CCSER1: variants seen among roughly 807,000 people sequenced by gnomAD.
The protein encoded by CCSER1 is serine-rich coiled-coil domain-containing protein 1.
Under a neutral mutation model 82.0 loss-of-function variants are expected in CCSER1, and 41 were observed. That is an observed-to-expected ratio of 0.50 (90% confidence interval 0.39 to 0.65). CCSER1 has a LOEUF of 0.65. Ranked by LOEUF, CCSER1 falls within the 30% of genes least tolerant of loss-of-function variation. The probability of loss-of-function intolerance (pLI) is 0.00; values close to 1 mark genes in which losing one functional copy is unlikely to be tolerated. For synonymous variants in CCSER1, 414 were observed against 383.9 expected (o/e 1.08, Z -0.92); for missense variants, 1,119 against 1,064.2 (o/e 1.05, Z -0.72).
chr4:90,762,807 G>C (rs911209090), intron 7 of CCSER1, among the ~76,000 whole-genome samples: 11 of 152,188 alleles, frequency 7.2e-5, no homozygotes, highest in African/African-American at 2.4e-4. Context: ...ACTTGAAAAA[G>C]GGATTCTTTG....
chr4:90,623,598 G>A (rs1722754815), intron 5 of CCSER1, among the ~76,000 whole-genome samples: 1 of 152,154 alleles, frequency 6.6e-6, no homozygotes, highest in South Asian at 2.1e-4. Context: ...CTTGTCACAT[G>A]TAGATTTTTA....
At position 91,558,223 on chromosome 4, in the gene CCSER1, T is replaced by C. The variant is rs191511350; in HGVS notation, c.2218-40349T>C. On this transcript the variant is annotated intron_variant, in intron 10 of 10. Coordinates refer to ENST00000509176, the MANE Select transcript of CCSER1 (RefSeq NM_001145065.2). The stretch of plus-strand genomic sequence containing the variant: ...GGATATATTCTCTTCCAAAACTTCA[T>C]TGATCCAAAAAACAAAATATGTGTA... Among the ~76,000 whole-genome samples the C allele has an allele frequency of 3.0e-3, 450 of 151,594 alleles. 2 individuals carry two copies. Among genetic ancestry groups the C allele is most frequent in the Non-Finnish European group, 4.7e-3 (315 of 67,654 alleles).
intron 9 of CCSER1, among the ~76,000 whole-genome samples, chr4:90,983,986 TATTGAAGTAAAC>T (rs1406446602): frequency 6.6e-6 from 1 of 151,782 alleles, no homozygotes; most frequent in African/African-American, 2.4e-5. Context: ...TCAGCAACAG[TATTGAAGTAAAC>T]ATTATGATAC....
At chr4:91,133,962 G>A (rs1728231302) in intron 10 of CCSER1, among the ~76,000 whole-genome samples, 1 of 152,164 alleles carries the variant, frequency 6.6e-6, no homozygotes, top group African/African-American at 2.4e-5. Flanking sequence ...AGCCAGGCAA[G>A]GTGGCGCATG....
intron 7 of CCSER1, among the ~76,000 whole-genome samples, chr4:90,728,621 G>A (rs1408493771): frequency 6.6e-6 from 1 of 152,104 alleles, no homozygotes; most frequent in Non-Finnish European, 1.5e-5. Flanking sequence ...GTTCGCTTGA[G>A]CTCAGGAATT....
chr4:90,791,556 G>C (rs935617260), intron 7 of CCSER1, among the ~76,000 whole-genome samples: 1 of 151,556 alleles, frequency 6.6e-6, no homozygotes, highest in Non-Finnish European at 1.5e-5. Flanking sequence ...TTTAAATAAA[G>C]ATACACACTT....
intron 8 of CCSER1, among the ~76,000 whole-genome samples, chr4:90,835,296 A>G (rs1418763962): frequency 6.6e-6 from 1 of 152,208 alleles, no homozygotes; most frequent in African/African-American, 2.4e-5. Flanking sequence ...ACGCCACTGC[A>G]CTCTAGCCCG....
chr4:91,419,881 C>A (rs974682597), intron 10 of CCSER1, among the ~76,000 whole-genome samples: 1 of 151,862 alleles, frequency 6.6e-6, no homozygotes, highest in East Asian at 1.9e-4. Flanking sequence ...GAATAGTGAG[C>A]CTGTAAGTAA....
At chr4:91,509,174 G>A (rs1339886829) in intron 10 of CCSER1, among the ~76,000 whole-genome samples, 2 of 150,896 alleles carry the variant, frequency 1.3e-5, no homozygotes, top group Non-Finnish European at 3.0e-5. Flanking sequence ...GCTTCTTTAT[G>A]TGAATTGTTA....
intron 6 of CCSER1, among the ~76,000 whole-genome samples, chr4:90,643,458 A>T (rs879302148): frequency 6.6e-6 from 1 of 150,432 alleles, no homozygotes; most frequent in East Asian, 1.9e-4. Context: ...TATACAGTCT[A>T]AATCTTATTC....
chr4:90,284,847 A>G (rs532440726), intron 1 of CCSER1, among the ~76,000 whole-genome samples: 4 of 152,020 alleles, frequency 2.6e-5, no homozygotes, highest in Non-Finnish European at 5.9e-5. Context: ...ATTCTTCTGC[A>G]TATGGATATC....
intron 8 of CCSER1, among the ~76,000 whole-genome samples, chr4:90,909,738 A>G (rs1054796950): frequency 1.3e-5 from 2 of 152,204 alleles, no homozygotes; most frequent in Non-Finnish European, 1.5e-5. Context: ...AGAGTATTAA[A>G]CTAGAAGAAA....
rs1289889529 is a variant in CCSER1 at position 91,598,549 on chromosome 4, T to C, written c.2218-23T>C. 3.9e-6 allele frequency: 6 copies of C among 1,521,626 alleles called. No homozygotes were observed. The South Asian group carries it at 7.4e-5, about 19-fold the overall frequency. 94.3% of individuals were successfully genotyped at this position (1,521,626 alleles called of 1,614,324 possible). A position where few individuals can be genotyped will look rare whatever the true frequency, so the allele number is the denominator to read the frequency against. The stretch of plus-strand genomic sequence containing the variant: ...TGAAAGTGTTTTTTTAAGACATCTT[T>C]TTCTTTCTGTGTCTTACCATAGGCT... On this transcript the variant is annotated intron_variant, in intron 10 of 10. Coordinates refer to ENST00000509176, the MANE Select transcript of CCSER1 (RefSeq NM_001145065.2).
chr4:90,310,129 A>C (rs1194825142), intron 2 of CCSER1, among the ~76,000 whole-genome samples: 5 of 152,080 alleles, frequency 3.3e-5, no homozygotes, highest in Non-Finnish European at 7.4e-5. Context: ...AATAATTCCT[A>C]TCTCTAGATA....
intron 10 of CCSER1, among the ~76,000 whole-genome samples, chr4:91,378,218 G>C (rs142264579): frequency 0.02 from 2,985 of 152,242 alleles, 75 homozygotes; most frequent in African/African-American, 0.067. Context: ...GCTTAGGATT[G>C]TCTTGGCCAT....
intron 1 of CCSER1, among the ~76,000 whole-genome samples, chr4:90,297,932 C>G (rs1388453889): frequency 6.6e-6 from 1 of 152,038 alleles, no homozygotes; most frequent in African/African-American, 2.4e-5. Context: ...CAATGTTCAT[C>G]AAGGATATTG....
At chr4:90,388,697 G>A (rs28545715) in intron 3 of CCSER1, among the ~76,000 whole-genome samples, 52,072 of 151,660 alleles carry the variant, frequency 0.34, 9,582 homozygotes, top group African/African-American at 0.47. Context: ...GTGCAATGTC[G>A]TGATCTTGGC....
intron 8 of CCSER1, among the ~76,000 whole-genome samples, chr4:90,858,826 A>G (rs77195751): frequency 6.6e-6 from 1 of 152,010 alleles, no homozygotes; most frequent in African/African-American, 2.4e-5. Context: ...TCTGCCCTCC[A>G]TATTTGCTTA....
intron 9 of CCSER1, among the ~76,000 whole-genome samples, chr4:90,943,664 G>A (rs934985985): frequency 1.3e-5 from 2 of 149,420 alleles, no homozygotes; most frequent in African/African-American, 4.9e-5. Flanking sequence ...CTGGGCTCAA[G>A]CAATCCTCCT....
Sources: gnomAD v4.1 joint callset for allele counts (sites outside exome capture counted in the v4.1 genomes callset) on GRCh38, gnomAD v4.1.1 for gene constraint, MANE v1.5 for transcripts, NCBI Gene and HGNC (gene_info 2026-07-23, HGNC 2026-07-21) for gene names.